Variants in TRIM44 observed in about 807,000 individuals in gnomAD.
TRIM44 encodes the protein tripartite motif containing 44.
Under a neutral mutation model 37.4 loss-of-function variants are expected in TRIM44, and 13 were observed. That is an observed-to-expected ratio of 0.35 (90% confidence interval 0.23 to 0.55). TRIM44 has a LOEUF of 0.55. Among genes scored for constraint, TRIM44 ranks in the 20% least tolerant of loss-of-function variants. The probability of loss-of-function intolerance (pLI) is 0.89; values close to 1 mark genes in which losing one functional copy is unlikely to be tolerated. For synonymous variants in TRIM44, 175 were observed against 157.2 expected (o/e 1.11, Z -0.85); for missense variants, 426 against 437.2 (o/e 0.97, Z 0.23).
At chr11:35,731,733 A>G (rs775032473) in intron 3 of TRIM44, among the ~76,000 whole-genome samples, 16 of 152,060 alleles carry the variant, frequency 1.1e-4, no homozygotes, top group Non-Finnish European at 2.2e-4. Context: ...TCTTTTGTCC[A>G]GTTTGGTAAG....
chr11:35,691,748 C>T (rs1851638446), intron 2 of TRIM44, among the ~76,000 whole-genome samples: 1 of 152,144 alleles, frequency 6.6e-6, no homozygotes, highest in African/African-American at 2.4e-5. Context: ...AGGTTCACAC[C>T]ATTCTCCTGC....
At chr11:35,700,995 G>A (rs889743842) in intron 2 of TRIM44, among the ~76,000 whole-genome samples, 2 of 152,148 alleles carry the variant, frequency 1.3e-5, no homozygotes, top group Non-Finnish European at 2.9e-5. Context: ...GTAGTTGTAA[G>A]ATTTTTCATT....
In TRIM44 at chr11:35,810,006, A is replaced by C. The variant is rs1383067308; in HGVS notation, c.*3621A>C. On this transcript the variant is annotated 3_prime_UTR_variant, in exon 5 of 5. Coordinates refer to ENST00000299413, the MANE Select transcript of TRIM44 (RefSeq NM_017583.6). ...AAGTGTCACCATATAGTTGGGGCTT[A>C]GGTACTTGCTTACAGGAAGAGCAAT... The C allele has an allele frequency of 1.3e-5, 2 of 152,198 alleles. No homozygotes were observed. The highest frequency in any genetic ancestry group is 4.8e-5 in the African/African-American group (2 of 41,456). 9.4% of individuals were successfully genotyped at this position (152,198 alleles called of 1,614,324 possible).
chr11:35,800,484 G>A (rs1168491188), intron 4 of TRIM44, among the ~76,000 whole-genome samples: 3 of 152,134 alleles, frequency 2.0e-5, no homozygotes, highest in Non-Finnish European at 2.9e-5. Context: ...TGATTGGTGT[G>A]TTTACAATCC....
At chr11:35,796,140 T>G (rs1011843752) in intron 4 of TRIM44, among the ~76,000 whole-genome samples, 2 of 152,202 alleles carry the variant, frequency 1.3e-5, no homozygotes, top group African/African-American at 4.8e-5. Flanking sequence ...TATGGGTTGG[T>G]ATACTTCCAA....
chr11:35,709,365 A>G (rs1174878458), intron 2 of TRIM44, among the ~76,000 whole-genome samples: 1 of 152,186 alleles, frequency 6.6e-6, no homozygotes, highest in Non-Finnish European at 1.5e-5. Context: ...GATTCCCTTG[A>G]TTAACCTAGC....
At chr11:35,752,179 T>G (rs1852566899) in intron 4 of TRIM44, among the ~76,000 whole-genome samples, 1 of 151,888 alleles carries the variant, frequency 6.6e-6, no homozygotes, top group African/African-American at 2.4e-5. Flanking sequence ...CCACATCCAG[T>G]TAATCAGCAA....
intron 4 of TRIM44, among the ~76,000 whole-genome samples, chr11:35,770,020 G>A (rs1852845475): frequency 6.6e-6 from 1 of 152,150 alleles, no homozygotes; most frequent in Non-Finnish European, 1.5e-5. Flanking sequence ...CCCAGGTAGT[G>A]AGTGTAGTAC....
intron 4 of TRIM44, among the ~76,000 whole-genome samples, chr11:35,739,927 C>T (rs1163047491): frequency 6.6e-6 from 1 of 151,816 alleles, no homozygotes; most frequent in Non-Finnish European, 1.5e-5. Flanking sequence ...GGTGAAACCC[C>T]GTCTCTATGA....
At chr11:35,692,902 G>C (rs1463265545) in intron 2 of TRIM44, among the ~76,000 whole-genome samples, 1 of 150,558 alleles carries the variant, frequency 6.6e-6, no homozygotes, top group Non-Finnish European at 1.5e-5. Context: ...CAGCCTGGGC[G>C]ACAGAGCAAG....
chr11:35,685,363 T>C (rs768506303), intron 2 of TRIM44, 27 bp downstream of exon 2: 1 of 1,589,176 alleles, frequency 6.3e-7, no homozygotes. Flanking sequence ...ATTGATTGGG[T>C]GTTGGTACCC....
chr11:35,749,305 C>T (rs558560799), intron 4 of TRIM44, among the ~76,000 whole-genome samples: 29 of 152,288 alleles, frequency 1.9e-4, no homozygotes, highest in South Asian at 6.2e-4. Flanking sequence ...CTCATTAATC[C>T]TTCTTTCAAA....
rs577168974 is a variant in TRIM44, at chr11:35,682,136, T to C, written c.670-3123T>C. 2.6e-5 allele frequency among the ~76,000 whole-genome samples: 4 copies of C among 151,996 alleles called. No individual in the cohort carries two copies. In the South Asian group the frequency reaches 6.3e-4, roughly 24 times the overall value. On this transcript the variant is annotated intron_variant, in intron 1 of 4. Transcript: ENST00000299413. ...TGAAGACCCCTCCTGTAGCCATGCC[T>C]GTCCCGTTCCGTACCACTCTTCAAG...
intron 4 of TRIM44, among the ~76,000 whole-genome samples, chr11:35,742,710 CTATATTAAATATAATTATATTAAA>C (rs1205990939): frequency 1.6e-5 from 2 of 127,878 alleles, no homozygotes; most frequent in African/African-American, 6.0e-5. Context: ...ATTATATTAA[CTATATTAAATATAATTATATTAAA>C]TATAATTATA....
At chr11:35,713,576 C>G (rs1256052057) in intron 2 of TRIM44, among the ~76,000 whole-genome samples, 1 of 147,600 alleles carries the variant, frequency 6.8e-6, no homozygotes, top group Non-Finnish European at 1.5e-5. Context: ...TCAGTTTTAT[C>G]TATAAAGGAG....
Position 35,816,368 on chromosome 11 carries a change from AAG to A in TRIM44, c.*9986_*9987del, listed in dbSNP as rs1258035134. 8.5e-5 allele frequency: 13 copies of A among 152,318 alleles called. No individual in the cohort carries two copies. The highest frequency in any genetic ancestry group is 3.1e-4 in the African/African-American group (13 of 41,572). The allele number at this position is 152,318 out of a possible 1,614,324, so 9.4% of individuals were successfully genotyped here. On this transcript the variant is annotated 3_prime_UTR_variant, in exon 5 of 5. Transcript: ENST00000299413. ...ACCACACACAATGTCTAACTTCAAA[AAG>A]AGTATTTAGATCCCCCCTGGGAAGG...
At chr11:35,805,056 T>G (rs1213694672) in intron 4 of TRIM44, among the ~76,000 whole-genome samples, 1 of 152,194 alleles carries the variant, frequency 6.6e-6, no homozygotes, top group East Asian at 1.9e-4. Context: ...CTTTTCCTTT[T>G]CTACCAGCTT....
chr11:35,725,661 G>A (rs953440575), intron 2 of TRIM44, among the ~76,000 whole-genome samples: 7 of 151,776 alleles, frequency 4.6e-5, no homozygotes, highest in Admixed American at 2.0e-4. Context: ...TATATTCATC[G>A]TATATATTAC....
chr11:35,716,923 C>G (rs1423840929), intron 2 of TRIM44, among the ~76,000 whole-genome samples: 5 of 152,144 alleles, frequency 3.3e-5, no homozygotes, highest in African/African-American at 1.2e-4. Flanking sequence ...CTAGCCACCT[C>G]TTGGCATCAT....
Sources: allele counts gnomAD v4.1 joint callset (sites outside exome capture counted in the v4.1 genomes callset), GRCh38; gene constraint gnomAD v4.1.1; transcripts MANE v1.5; gene names NCBI Gene and HGNC (gene_info 2026-07-23, HGNC 2026-07-21).